NAALADL2: variants seen among roughly 807,000 people sequenced by gnomAD.
NAALADL2 encodes N-acetylated alpha-linked acidic dipeptidase like 2.
NAALADL2 carries 76 observed loss-of-function variants against 87.2 expected under a neutral mutation model. The ratio of observed to expected loss-of-function variants is 0.87; its 90% confidence interval spans 0.72 to 1.05. The LOEUF (loss-of-function observed/expected upper bound fraction) is 1.05, where lower values mean the gene tolerates loss of function less well. Among genes scored for constraint, NAALADL2 ranks in the 50% least tolerant of loss-of-function variants. NAALADL2 has a pLI of 0.00. For missense variants in NAALADL2, 1,089 were observed against 945.8 expected (o/e 1.15, Z -1.99); for synonymous variants, 354 against 331.0 (o/e 1.07, Z -0.75).
intron 3 of NAALADL2, among the ~76,000 whole-genome samples, chr3:175,240,570 AG>A (rs1457904687): frequency 6.6e-6 from 1 of 152,242 alleles, no homozygotes; most frequent in Non-Finnish European, 1.5e-5. Context: ...ATGGAACTGT[AG>A]TACTTAAACT....
intron 5 of NAALADL2, among the ~76,000 whole-genome samples, chr3:175,433,295 A>T (rs1718084219): frequency 6.6e-6 from 1 of 152,106 alleles, no homozygotes; most frequent in Admixed American, 6.6e-5. Flanking sequence ...AACATTCTTT[A>T]AATGTAGCAC....
chr3:175,559,457 C>T (rs1701404247), intron 9 of NAALADL2, among the ~76,000 whole-genome samples: 2 of 152,006 alleles, frequency 1.3e-5, no homozygotes, highest in African/African-American at 4.8e-5. Context: ...ATTGCTTTAG[C>T]TAGGACTTCC....
rs533080702 is a variant in NAALADL2 at position 175,586,991 on chromosome 3, T to C, written c.1800+10804T>C. ...AGACTTCCAGCAGTTCAGGGATGAT[T>C]TTGAACAATCCAAATGATTAAAGTA... On this transcript the variant is annotated intron_variant, in intron 10 of 13. Coordinates refer to ENST00000454872, the MANE Select transcript of NAALADL2 (RefSeq NM_207015.3). 3.9e-5 allele frequency among the ~76,000 whole-genome samples: 6 copies of C among 152,246 alleles called. No individual in the cohort carries two copies. The East Asian group carries it at 9.6e-4, about 24-fold the overall frequency.
intron 1 of NAALADL2, among the ~76,000 whole-genome samples, chr3:174,971,790 T>C (rs994733218): frequency 6.6e-6 from 1 of 151,982 alleles, no homozygotes; most frequent in African/African-American, 2.4e-5. Flanking sequence ...CTCTGCCTCC[T>C]GGTTTCAAGC....
chr3:174,983,772 A>G (rs1462858823), intron 1 of NAALADL2, among the ~76,000 whole-genome samples: 1 of 152,206 alleles, frequency 6.6e-6, no homozygotes, highest in African/African-American at 2.4e-5. Flanking sequence ...TTAAGAGAAC[A>G]TAAATATTTA....
intron 13 of NAALADL2, among the ~76,000 whole-genome samples, chr3:175,765,779 A>G (rs1468264335): frequency 6.6e-6 from 1 of 152,146 alleles, no homozygotes; most frequent in Non-Finnish European, 1.5e-5. Context: ...AGGATGATTT[A>G]TGTATGCCAG....
At chr3:175,332,305 G>A (rs771617631) in intron 5 of NAALADL2, among the ~76,000 whole-genome samples, 3 of 152,104 alleles carry the variant, frequency 2.0e-5, no homozygotes, top group Non-Finnish European at 2.9e-5. Context: ...AGACATTACA[G>A]CACCTGACTT....
intron 9 of NAALADL2, among the ~76,000 whole-genome samples, chr3:175,489,046 A>G (rs1486422200): frequency 1.3e-5 from 2 of 152,186 alleles, no homozygotes; most frequent in African/African-American, 2.4e-5. Context: ...AAAAACTGCT[A>G]TTGAGGAAGA....
At chr3:174,858,749 G>A (rs1308079359), upstream of NAALADL2, among the ~76,000 whole-genome samples, 1 of 151,836 alleles carries the variant, frequency 6.6e-6, no homozygotes, top group East Asian at 1.9e-4. Flanking sequence ...ACAGTGTTTA[G>A]CACAGCCATA....
At chr3:174,547,688 T>A (rs1711555841) in intron 1 of NAALADL2, among the ~76,000 whole-genome samples, 1 of 152,164 alleles carries the variant, frequency 6.6e-6, no homozygotes, top group Non-Finnish European at 1.5e-5. Flanking sequence ...GATATCATTT[T>A]TCTATATATA....
chr3:174,705,801 AT>A (rs1235916862), intron 2 of NAALADL2, among the ~76,000 whole-genome samples: 4 of 150,142 alleles, frequency 2.7e-5, no homozygotes, highest in Admixed American at 6.6e-5. Context: ...AAAAAAAAAA[AT>A]GTCAGTTCTG....
chr3:175,545,558 A>G (rs1419980155), intron 9 of NAALADL2, among the ~76,000 whole-genome samples: 1 of 152,070 alleles, frequency 6.6e-6, no homozygotes, highest in Non-Finnish European at 1.5e-5. Flanking sequence ...TGATTGTTTA[A>G]TAAGAGATAA....
At chr3:174,559,062 T>C (rs1275525042) in intron 2 of NAALADL2, among the ~76,000 whole-genome samples, 1 of 152,138 alleles carries the variant, frequency 6.6e-6, no homozygotes, top group Non-Finnish European at 1.5e-5. Context: ...ACTTTTATCT[T>C]GGATTTGAAA....
At chr3:174,865,383 T>G (rs1431909574) in intron 1 of NAALADL2, among the ~76,000 whole-genome samples, 2 of 152,004 alleles carry the variant, frequency 1.3e-5, no homozygotes, top group Non-Finnish European at 2.9e-5. Flanking sequence ...TGAGATCTGA[T>G]TAAACTGCTG....
intron 2 of NAALADL2, among the ~76,000 whole-genome samples, chr3:174,666,043 A>G (rs1387597928): frequency 6.6e-6 from 1 of 152,142 alleles, no homozygotes; most frequent in African/African-American, 2.4e-5. Context: ...CTATTTCCAA[A>G]TAAGGTCACA....
chr3:174,750,412 C>T (rs1201680673), intron 3 of NAALADL2, among the ~76,000 whole-genome samples: 1 of 150,764 alleles, frequency 6.6e-6, no homozygotes, highest in African/African-American at 2.4e-5. Context: ...TCTTCTTCTT[C>T]TTCTTCTTCT....
chr3:175,065,262 C>T (rs928600111), intron 1 of NAALADL2, among the ~76,000 whole-genome samples: 2 of 152,092 alleles, frequency 1.3e-5, no homozygotes, highest in East Asian at 1.9e-4. Context: ...CTTCTATTGT[C>T]GTCGGGACTC....
Position 174,828,615 on chromosome 3 carries a change from AT to A in NAALADL2, c.-9+90872del, listed in dbSNP as rs753205679. ...GTAAGCCAAACTAAGTTCACTTTTCATTTCTTATCTCTGTATATTCCTACAA... is the reference window on the plus strand; with the variant it reads ...GTAAGCCAAACTAAGTTCACTTTTCATTCTTATCTCTGTATATTCCTACAA... On this transcript the variant is annotated intron_variant, in intron 3 of 3. Coordinates refer to the NAALADL2 transcript ENST00000434257. 7.8e-4 allele frequency among the ~76,000 whole-genome samples: 119 copies of A among 152,314 alleles called. 2 individuals are homozygous for A. Among genetic ancestry groups the A allele is most frequent in the Admixed American group, 3.2e-3 (49 of 15,292 alleles).
At chr3:174,974,357 G>A (rs1744083786) in intron 1 of NAALADL2, among the ~76,000 whole-genome samples, 2 of 152,058 alleles carry the variant, frequency 1.3e-5, no homozygotes, top group Admixed American at 1.3e-4. Context: ...TTGCTCATTT[G>A]TCCAATAAAT....
Sources: gnomAD v4.1 joint callset for allele counts (sites outside exome capture counted in the v4.1 genomes callset) on GRCh38, gnomAD v4.1.1 for gene constraint, MANE v1.5 for transcripts, NCBI Gene and HGNC (gene_info 2026-07-23, HGNC 2026-07-21) for gene names.